Variants in HSD17B1 observed in about 807,000 individuals in gnomAD.
The protein encoded by HSD17B1 is hydroxysteroid 17-beta dehydrogenase 1, also known as 17-beta-hydroxysteroid dehydrogenase type 1.
Under a neutral mutation model 22.7 loss-of-function variants are expected in HSD17B1, and 16 were observed. That is an observed-to-expected ratio of 0.71 (90% CI 0.48 to 1.07). HSD17B1 has a LOEUF of 1.07. HSD17B1 is among the 50% of genes least tolerant of loss of function. The probability of loss-of-function intolerance (pLI) is 0.00; values close to 1 mark genes in which losing one functional copy is unlikely to be tolerated. For synonymous variants in HSD17B1, 243 were observed against 211.0 expected (o/e 1.15, Z -1.31); for missense variants, 533 against 459.9 (o/e 1.16, Z -1.45).
chr17:42,552,940 C>A lies in HSD17B1; in HGVS notation c.7C>A (p.Arg3Ser). The A allele has an allele frequency of 6.2e-7, 1 of 1,613,970 alleles. No individual in the cohort carries two copies. The highest frequency in any genetic ancestry group is 1.3e-5 in the African/African-American group (1 of 75,062). ...CTCTCCCCACAGTCTCACCATGGCC[C>A]GCACCGTGGTGCTCATCACCGGCTG... is the stretch of plus-strand genomic sequence containing the variant. MARTVVLITGCSS... is the reference protein window; with the variant it reads MASTVVLITGCSS... Residue 3 changes from arginine (R) to serine (S), a missense_variant, in exon 1 of 6, where the codon CGC becomes AGC. Physicochemically the swap from Arg to Ser is moderately radical, Grantham distance 110. Coordinates refer to ENST00000585807, the MANE Select transcript of HSD17B1 (RefSeq NM_000413.4).
intron 1 of HSD17B1, 26 bp from the exon 2 acceptor site, chr17:42,553,098 T>A: frequency 6.2e-7 from 1 of 1,613,910 alleles, no homozygotes; most frequent in Non-Finnish European, 8.5e-7. Context: ...GGAAGTCAGA[T>A]CTTCCTCCTC....
intron 4 of HSD17B1, 69 bp downstream of exon 4, chr17:42,553,956 C>T (rs1390551336): frequency 3.0e-6 from 4 of 1,347,088 alleles, no homozygotes; most frequent in African/African-American, 2.9e-5. Context: ...CCCTGTCCTG[C>T]GGGAGCCGCT....
In HSD17B1 at chr17:42,554,929, C is replaced by G. The variant is rs1160722739; in HGVS notation, c.978C>G (p.Ala326=). 6.8e-6 allele frequency: 10 copies of G among 1,472,342 alleles called. No individual in the cohort carries two copies. Among genetic ancestry groups the G allele is most frequent in the Non-Finnish European group, 8.9e-6 (10 of 1,120,278 alleles). The allele number at this position is 1,472,342 out of a possible 1,614,324, so 91.2% of individuals were successfully genotyped here. The change falls in exon 6 of 6, where the codon GCC becomes GCG. Residue 326 remains alanine, a synonymous_variant. Transcript: ENST00000585807. ...CTGAGCTCGGCGATCCTCCGGCCGC[C>G]CCGCAGTAAAGGCTTCCTCAGCCGC... is the stretch of plus-strand genomic sequence containing the variant. ...GDPELGDPPA[A]PQ
rs1597706734 is a variant in HSD17B1, at chr17:42,554,572, A to C, written c.707A>C (p.Glu236Ala). ...VFREAAQNPE[E>A]VAEVFLTALR... ...CGCGAGGCGGCGCAGAACCCTGAGG[A>C]GGTGGCGGAGGTGAGCGCCGGGCTG... The change falls in exon 5 of 6, where the codon GAG (glutamate) becomes GCG (alanine). Residue 236 changes from glutamate (E) to alanine (A), a missense_variant. By Grantham distance (107) the Glu-to-Ala change is moderately radical (BLOSUM62 -1). Transcript: ENST00000585807. 1 of 1,613,192 alleles carries C rather than the reference A, an allele frequency of 6.2e-7. No individual in the cohort carries two copies. Among genetic ancestry groups the C allele is most frequent in the African/African-American group, 1.3e-5 (1 of 74,912 alleles).
intron 4 of HSD17B1, 56 bp downstream of exon 4, chr17:42,553,943 G>A: frequency 6.9e-7 from 1 of 1,454,398 alleles, no homozygotes; most frequent in Non-Finnish European, 9.5e-7. Flanking sequence ...GAGACGCCGA[G>A]CACCCTGTCC....
intron 4 of HSD17B1, 109 bp downstream of exon 4, chr17:42,553,996 C>A (rs530771273): frequency 3.1e-6 from 3 of 980,116 alleles, no homozygotes; most frequent in Non-Finnish European, 3.1e-6. Context: ...CCTCTCTGCC[C>A]GGCTCACATT....
In HSD17B1 at chr17:42,553,775, C is replaced by A; in HGVS notation, c.446-19C>A. The stretch of plus-strand genomic sequence containing the variant: ...CCCCCTGGCCGCTGCGCCTCAGGAA[C>A]CTCGTCTCCCCACCTAAGGGCTGCC... On this transcript the variant is annotated intron_variant, in intron 3 of 5. Coordinates refer to ENST00000585807, the MANE Select transcript of HSD17B1 (RefSeq NM_000413.4). The A allele has an allele frequency of 1.2e-6, 2 of 1,611,294 alleles. No homozygotes were observed. The highest frequency in any genetic ancestry group is 1.7e-6 in the Non-Finnish European group (2 of 1,178,400).
At position 42,554,846 on chromosome 17, in the gene HSD17B1, G is replaced by C. The variant is rs754256725; in HGVS notation, c.895G>C (p.Gly299Arg). The C allele has an allele frequency of 5.8e-5, 93 of 1,590,784 alleles. 1 individual carries two copies. The highest frequency in any genetic ancestry group is 7.7e-5 in the Non-Finnish European group (90 of 1,175,688). ...PAKAEAGAEA[G>R]GGAGPGAEDE... ...AAAGGCCGAGGCTGGGGCCGAGGCTGGGGGCGGGGCCGGGCCTGGGGCAGA... is the reference window on the plus strand; with the variant it reads ...AAAGGCCGAGGCTGGGGCCGAGGCTCGGGGCGGGGCCGGGCCTGGGGCAGA... Residue 299 changes from glycine (G) to arginine (R), a missense_variant, in exon 6 of 6, where the codon GGG (glycine) becomes CGG (arginine). Coordinates refer to ENST00000585807, the MANE Select transcript of HSD17B1 (RefSeq NM_000413.4).
At chr17:42,553,742 G>A (rs1169899805) in intron 3 of HSD17B1, 52 bp from the exon 4 acceptor site, 11 of 1,599,824 alleles carry the variant, frequency 6.9e-6, no homozygotes, top group Non-Finnish European at 9.4e-6. Context: ...CCGTCTGCCC[G>A]GGGATGACCC....
At position 42,555,057 on chromosome 17, in the gene HSD17B1, G is replaced by A; in HGVS notation, c.*119G>A. The A allele has an allele frequency of 7.2e-7, 1 of 1,380,880 alleles. No homozygotes were observed. The highest frequency in any genetic ancestry group is 9.3e-7 in the Non-Finnish European group (1 of 1,073,450). The allele number at this position is 1,380,880 out of a possible 1,614,324, so 85.5% of individuals were successfully genotyped here. A position where few individuals can be genotyped will look rare whatever the true frequency, so the allele number is the denominator to read the frequency against. On this transcript the variant is annotated 3_prime_UTR_variant, in exon 6 of 6. Transcript: ENST00000585807. Reference sequence around the variant, plus strand: ...TAATTAAGATAGATCGCGTTAGCCAGTTTTACCAGCGCAGCTAGGCGCGAT... The same window carrying A: ...TAATTAAGATAGATCGCGTTAGCCAATTTTACCAGCGCAGCTAGGCGCGAT...
At position 42,553,479 on chromosome 17, in the gene HSD17B1, G is replaced by A; in HGVS notation, c.306G>A (p.Ala102=). 2 of 1,613,626 alleles carry A rather than the reference G, an allele frequency of 1.2e-6. No homozygotes were observed. Among genetic ancestry groups the A allele is most frequent in the Non-Finnish European group, 1.7e-6 (2 of 1,179,894 alleles). ...AGLGLLGPLE[A]LGEDAVASVL... is the part of the protein sequence containing the mutation. The stretch of plus-strand genomic sequence containing the variant: ...TGGGCCTGCTGGGGCCGCTGGAGGC[G>A]CTGGGGGAGGACGCCGTGGCCTCTG... Residue 102 remains alanine (A), a synonymous_variant, in exon 3 of 6, where the codon GCG becomes GCA. Transcript: ENST00000585807.
In HSD17B1 at chr17:42,553,790, T is replaced by A; in HGVS notation, c.446-4T>A. 6.2e-7 allele frequency: 1 copy of A among 1,612,882 alleles called. No individual in the cohort carries two copies. The highest frequency in any genetic ancestry group is 8.5e-7 in the Non-Finnish European group (1 of 1,179,380). ...GCCTCAGGAACCTCGTCTCCCCACC[T>A]AAGGGCTGCCTTTCAATGACGTTTA... On this transcript the variant is annotated splice_region_variant and splice_polypyrimidine_tract_variant and intron_variant, in intron 3 of 5. Coordinates refer to ENST00000585807, the MANE Select transcript of HSD17B1 (RefSeq NM_000413.4).
At position 42,553,277 on chromosome 17, in the gene HSD17B1, G is replaced by T. The variant is rs774742548; in HGVS notation, c.251G>T (p.Arg84Leu). ...GCCCGGGAACGCGTGACTGAGGGCC[G>T]CGTGGACGTGCTGGGTGAGCCTCCT... ...AAARERVTEG[R>L]VDVLVCNAGL... is the part of the protein sequence containing the mutation. The change falls in exon 2 of 6, where the codon CGC becomes CTC. Residue 84 changes from arginine (R) to leucine (L), a missense_variant. By Grantham distance (102) the Arg-to-Leu change is moderately radical (BLOSUM62 -2). Transcript: ENST00000585807. The T allele has an allele frequency of 6.2e-7, 1 of 1,608,796 alleles. No individual in the cohort carries two copies. Among genetic ancestry groups the T allele is most frequent in the Non-Finnish European group, 8.5e-7 (1 of 1,179,848 alleles).
In HSD17B1 at chr17:42,553,490, A is replaced by G; in HGVS notation, c.317A>G (p.Asp106Gly). 1 of 1,613,746 alleles carries G rather than the reference A, an allele frequency of 6.2e-7. No individual in the cohort carries two copies. The highest frequency in any genetic ancestry group is 1.1e-5 in the South Asian group (1 of 91,072). ...LLGPLEALGE[D>G]AVASVLDVNV... ...GGGCCGCTGGAGGCGCTGGGGGAGG[A>G]CGCCGTGGCCTCTGTGCTGGACGTG... Residue 106 changes from aspartate (D) to glycine (G), a missense_variant, in exon 3 of 6, where the codon GAC becomes GGC. Physicochemically the swap from Asp to Gly is moderately conservative, Grantham distance 94 (BLOSUM62 -1). Transcript: ENST00000585807.
chr17:42,553,544 A>AGGCCTTCCTGCC lies in HSD17B1; in HGVS notation c.372_383dup (p.Ala125_Pro128dup). 2 of 1,613,950 alleles carry AGGCCTTCCTGCC rather than the reference A, an allele frequency of 1.2e-6. No homozygotes were observed. On this transcript the variant is annotated inframe_insertion, in exon 3 of 6. Coordinates refer to ENST00000585807, the MANE Select transcript of HSD17B1 (RefSeq NM_000413.4). ...GTAGTAGGGACTGTGCGGATGCTGC[A>AGGCCTTCCTGCC]GGCCTTCCTGCCAGACATGAAGAGG...
chr17:42,553,987 C>G (rs2092953850), intron 4 of HSD17B1, 100 bp downstream of exon 4: 1 of 1,057,242 alleles, frequency 9.5e-7, no homozygotes, highest in Non-Finnish European at 1.4e-6. Context: ...CTCCCTGGCC[C>G]TCTCTGCCCG....
chr17:42,553,372 G>A (rs1567897920), intron 2 of HSD17B1, 67 bp from the exon 3 acceptor site: 3 of 1,604,484 alleles, frequency 1.9e-6, no homozygotes, highest in Admixed American at 3.3e-5. Context: ...GGCCCAGGGA[G>A]CACGAGGGGA....
Position 42,554,650 on chromosome 17 carries a change from T to G in HSD17B1, c.718-19T>G. 1.2e-6 allele frequency: 2 copies of G among 1,604,852 alleles called. No individual in the cohort carries two copies. The highest frequency in any genetic ancestry group is 1.7e-6 in the Non-Finnish European group (2 of 1,178,310). On this transcript the variant is annotated intron_variant, in intron 5 of 5. Transcript: ENST00000585807. ...TCCGGCGCGCAGCGGTGGCCACAGCTCTCCTCCCGCCGCCGCAGGTCTTCC... is the reference window on the plus strand; with the variant it reads ...TCCGGCGCGCAGCGGTGGCCACAGCGCTCCTCCCGCCGCCGCAGGTCTTCC...
At chr17:42,553,350 A>G (rs761261930) in intron 2 of HSD17B1, 59 bp downstream of exon 2, 8 of 1,603,452 alleles carry the variant, frequency 5.0e-6, no homozygotes, top group Admixed American at 3.3e-5. Flanking sequence ...CGTTGAAACC[A>G]ACATGTTCCC....
Sources: gnomAD v4.1 joint callset for allele counts on GRCh38, gnomAD v4.1.1 for gene constraint, MANE v1.5 for transcripts, NCBI Gene and HGNC (gene_info 2026-07-23, HGNC 2026-07-21) for gene names.